KIAA1671: variants seen among roughly 807,000 people sequenced by gnomAD.
KIAA1671 encodes KIAA1671.
Under a neutral mutation model 131.2 loss-of-function variants are expected in KIAA1671, and 52 were observed. That is an observed-to-expected ratio of 0.40 (90% CI 0.32 to 0.50). The LOEUF (loss-of-function observed/expected upper bound fraction) is 0.50, where lower values mean the gene tolerates loss of function less well. Ranked by LOEUF, KIAA1671 falls within the 20% of genes least tolerant of loss-of-function variation. The pLI, the probability that KIAA1671 is intolerant of heterozygous loss-of-function variation, is 0.73. For synonymous variants in KIAA1671, 1,003 were observed against 961.6 expected, an observed-to-expected ratio of 1.04 and a Z score of -0.80; for missense variants, 2,360 against 2,364.2, an observed-to-expected ratio of 1.00 and a Z score of 0.04.
At chr22:25,115,402 C>T (rs1459843142) in intron 6 of KIAA1671, among the ~76,000 whole-genome samples, 1 of 152,190 alleles carries the variant, frequency 6.6e-6, no homozygotes, top group Non-Finnish European at 1.5e-5. Flanking sequence ...CAACTCACCA[C>T]GTGCAAACTG....
At chr22:25,186,058 G>GT (rs1934465380) in intron 11 of KIAA1671, 1 of 152,238 alleles carries the variant, frequency 6.6e-6, no homozygotes, top group African/African-American at 2.4e-5. Context: ...ATCAGTTTTT[G>GT]TAAGTAAGCT....
At chr22:25,120,337 C>A (rs5760864) in intron 6 of KIAA1671, among the ~76,000 whole-genome samples, 3,004 of 152,330 alleles carry the variant, frequency 0.02, 117 homozygotes, top group East Asian at 0.15. Context: ...GCAGGACAGG[C>A]TGCTTTCTTT....
intron 1 of KIAA1671, among the ~76,000 whole-genome samples, chr22:24,995,190 A>G (rs953319447): frequency 6.6e-6 from 1 of 151,152 alleles, no homozygotes; most frequent in Non-Finnish European, 1.5e-5. Flanking sequence ...AGCTGGGACT[A>G]CAAGTGCCCG....
intron 1 of KIAA1671, among the ~76,000 whole-genome samples, chr22:24,987,716 A>C (rs948446875): frequency 1.3e-5 from 2 of 152,186 alleles, no homozygotes; most frequent in Non-Finnish European, 2.9e-5. Flanking sequence ...CTCAACCTCC[A>C]GAGTAGCAGG....
Position 25,049,546 on chromosome 22 carries a change from G to A in KIAA1671, c.4530+182G>A, listed in dbSNP as rs1164326110. On this transcript the variant is annotated intron_variant, in intron 6 of 12. Coordinates refer to ENST00000358431, the MANE Select transcript of KIAA1671 (RefSeq NM_001145206.2). ...TGTGTTGTGGTTCTTGATGTGGAGG[G>A]TGTTTGGTGGCTCTGCTGGGGAAAC... The A allele has an allele frequency of 2.8e-4, 178 of 629,434 alleles. No homozygotes were observed. The East Asian group carries it at 5.0e-3, about 18-fold the overall frequency. 39.0% of individuals were successfully genotyped at this position (629,434 alleles called of 1,614,324 possible).
At chr22:25,127,532 C>T (rs189449221) in intron 6 of KIAA1671, among the ~76,000 whole-genome samples, 326 of 152,298 alleles carry the variant, frequency 2.1e-3, no homozygotes, top group Non-Finnish European at 3.7e-3. Flanking sequence ...ACTTGGCTTC[C>T]CTGCCCCCCT....
intron 1 of KIAA1671, among the ~76,000 whole-genome samples, chr22:24,977,038 A>T (rs1922951211): frequency 6.6e-6 from 1 of 152,126 alleles, no homozygotes; most frequent in Non-Finnish European, 1.5e-5. Context: ...TGGGAACGAT[A>T]TTAATAGTAG....
intron 6 of KIAA1671, among the ~76,000 whole-genome samples, chr22:25,068,144 A>G (rs1169324333): frequency 2.1e-5 from 3 of 143,218 alleles, no homozygotes; most frequent in Admixed American, 2.0e-4. Flanking sequence ...ACTGTCTGGC[A>G]GTTAGGGAGC....
chr22:25,027,840 G>GA, intron 2 of KIAA1671, 105 bp from the exon 3 acceptor site: 2 of 601,522 alleles, frequency 3.3e-6, no homozygotes, highest in East Asian at 6.0e-5. Flanking sequence ...CTGTCGTATG[G>GA]AATCTGGGGC....
At chr22:25,161,797 G>A (rs1160223603) in intron 6 of KIAA1671, among the ~76,000 whole-genome samples, 15 of 152,166 alleles carry the variant, frequency 9.9e-5, no homozygotes. Flanking sequence ...CCACACCTGT[G>A]GATGCACTTC....
intron 9 of KIAA1671, chr22:25,179,589 A>G (rs1009611692): frequency 3.0e-6 from 4 of 1,349,200 alleles, no homozygotes; most frequent in Admixed American, 2.4e-5. Flanking sequence ...CCCCTGCCCA[A>G]TGCGTTGGCC....
intron 11 of KIAA1671, 42 bp downstream of exon 11, chr22:25,185,161 T>A (rs1440420473): frequency 6.6e-7 from 1 of 1,512,428 alleles, no homozygotes; most frequent in East Asian, 2.5e-5. Flanking sequence ...CCTTCCAAAC[T>A]CAGGCTATAC....
At chr22:25,003,810 C>G (rs1305370686) in intron 1 of KIAA1671, among the ~76,000 whole-genome samples, 3 of 151,764 alleles carry the variant, frequency 2.0e-5, no homozygotes, top group Non-Finnish European at 4.4e-5. Flanking sequence ...CCATGTGCAT[C>G]TATATCAAAT....
Position 25,031,994 on chromosome 22 carries a change from A to G in KIAA1671, c.1542-615A>G, listed in dbSNP as rs961925793. 1.5e-4 allele frequency among the ~76,000 whole-genome samples: 23 copies of G among 152,340 alleles called. No individual in the cohort carries two copies. In the East Asian group the frequency reaches 4.4e-3, roughly 29 times the overall value. On this transcript the variant is annotated intron_variant, in intron 3 of 12. Coordinates refer to ENST00000358431, the MANE Select transcript of KIAA1671 (RefSeq NM_001145206.2). ...AGGTATTTACACCAGAATGCTCTCCAGAGATGGAAAGATTCTAGCTCCACA... is the reference window on the plus strand; with the variant it reads ...AGGTATTTACACCAGAATGCTCTCCGGAGATGGAAAGATTCTAGCTCCACA...
chr22:25,079,941 C>T (rs1005949114), intron 6 of KIAA1671, among the ~76,000 whole-genome samples: 2 of 151,906 alleles, frequency 1.3e-5, no homozygotes, highest in Non-Finnish European at 2.9e-5. Context: ...AGATGATGGC[C>T]GCTCAGACTG....
chr22:25,010,603 C>A (rs1043466286), intron 1 of KIAA1671: 1 of 152,154 alleles, frequency 6.6e-6, no homozygotes, highest in South Asian at 2.1e-4. Flanking sequence ...TGACCTTACT[C>A]GTAAAGAAAC....
At chr22:25,135,348 G>A (rs1932628982) in intron 6 of KIAA1671, among the ~76,000 whole-genome samples, 1 of 152,134 alleles carries the variant, frequency 6.6e-6, no homozygotes, top group Admixed American at 6.5e-5. Context: ...ACCAAGCCTG[G>A]CTAATTTTTT....
chr22:25,137,375 C>A (rs910552817), intron 6 of KIAA1671, among the ~76,000 whole-genome samples: 9 of 152,124 alleles, frequency 5.9e-5, no homozygotes, highest in Non-Finnish European at 1.3e-4. Context: ...TGTTACCAGG[C>A]CTGTGGTAAC....
chr22:25,042,293 C>T (rs1926973983), intron 5 of KIAA1671, among the ~76,000 whole-genome samples: 1 of 152,120 alleles, frequency 6.6e-6, no homozygotes, highest in Non-Finnish European at 1.5e-5. Context: ...TATTGTGCTC[C>T]TGCTGTATAA....
Sources: allele counts gnomAD v4.1 joint callset (sites outside exome capture counted in the v4.1 genomes callset), GRCh38; gene constraint gnomAD v4.1.1; transcripts MANE v1.5; gene names NCBI Gene and HGNC (gene_info 2026-07-23, HGNC 2026-07-21).